SEMA5A: variants seen among roughly 807,000 people sequenced by gnomAD.
SEMA5A encodes the protein semaphorin 5A, also known as semaphorin-5A.
In SEMA5A, 55 loss-of-function variants were observed where a neutral mutation model predicts 135.5. That is an observed-to-expected ratio of 0.41 (90% confidence interval 0.33 to 0.51). The LOEUF (loss-of-function observed/expected upper bound fraction) is 0.51. Among genes scored for constraint, SEMA5A ranks in the 20% least tolerant of loss-of-function variants. The probability of loss-of-function intolerance (pLI) is 0.37; values close to 1 mark genes in which losing one functional copy is unlikely to be tolerated. For missense variants in SEMA5A, 1,290 were observed against 1,419.9 expected, an observed-to-expected ratio of 0.91 and a Z score of 1.47; for synonymous variants, 580 against 546.5, an observed-to-expected ratio of 1.06 and a Z score of -0.85.
At chr5:9,320,559 A>C (rs1271310211) in intron 4 of SEMA5A, among the ~76,000 whole-genome samples, 3 of 152,076 alleles carry the variant, frequency 2.0e-5, no homozygotes, top group Non-Finnish European at 2.9e-5. Flanking sequence ...AAAAAGAAAA[A>C]ATACAAAAAT....
intron 1 of SEMA5A, among the ~76,000 whole-genome samples, chr5:9,463,326 GA>G (rs59356233): frequency 0.074 from 11,217 of 152,094 alleles, 425 homozygotes; most frequent in South Asian, 0.094. Context: ...TTTAGATCTA[GA>G]AAAAACAAAA....
chr5:9,215,219 A>G (rs1805960), intron 8 of SEMA5A, among the ~76,000 whole-genome samples: 62,142 of 152,088 alleles, frequency 0.41, 13,037 homozygotes, highest in South Asian at 0.57. Context: ...GAAGCCTGAG[A>G]AGTAAACAGA....
intron 4 of SEMA5A, among the ~76,000 whole-genome samples, chr5:9,335,982 C>G (rs967823374): frequency 6.6e-6 from 1 of 151,608 alleles, no homozygotes; most frequent in African/African-American, 2.4e-5. Context: ...CAATATTGTA[C>G]ATTAAGTGCA....
chr5:9,501,518 CA>C (rs1278130809), intron 1 of SEMA5A, among the ~76,000 whole-genome samples: 1 of 152,078 alleles, frequency 6.6e-6, no homozygotes, highest in African/African-American at 2.4e-5. Context: ...GGAAAGCATC[CA>C]AAAGCAATGT....
At chr5:9,393,914 G>T (rs1756274930) in intron 2 of SEMA5A, among the ~76,000 whole-genome samples, 1 of 152,064 alleles carries the variant, frequency 6.6e-6, no homozygotes, top group South Asian at 2.1e-4. Context: ...AATATTCATG[G>T]TCTCTTATAT....
intron 1 of SEMA5A, among the ~76,000 whole-genome samples, chr5:9,463,147 T>C (rs1759119778): frequency 6.6e-6 from 1 of 152,190 alleles, no homozygotes; most frequent in Admixed American, 6.5e-5. Context: ...TCTTAATTTA[T>C]GTTGAGCAAG....
chr5:9,070,613 T>C (rs945045403), intron 16 of SEMA5A, among the ~76,000 whole-genome samples: 7 of 152,190 alleles, frequency 4.6e-5, no homozygotes, highest in Admixed American at 1.3e-4. Context: ...GAAAGCTGGC[T>C]CAAGTGTCTG....
intron 8 of SEMA5A, among the ~76,000 whole-genome samples, chr5:9,214,127 C>A (rs1191484734): frequency 2.0e-5 from 3 of 152,206 alleles, no homozygotes; most frequent in Non-Finnish European, 4.4e-5. Flanking sequence ...TCACAAACTG[C>A]AAAGCAACAT....
At chr5:9,151,783 T>C (rs563979945) in intron 12 of SEMA5A, among the ~76,000 whole-genome samples, 13 of 152,228 alleles carry the variant, frequency 8.5e-5, no homozygotes, top group South Asian at 2.1e-4. Context: ...CAGTTGAAAA[T>C]GAAGTTACGA....
At chr5:9,048,983 T>C (rs945532978) in intron 21 of SEMA5A, among the ~76,000 whole-genome samples, 2 of 152,092 alleles carry the variant, frequency 1.3e-5, no homozygotes, top group African/African-American at 4.8e-5. Flanking sequence ...TGATTGCTTG[T>C]CAGAGGGGCT....
chr5:9,271,162 CA>C (rs1264904443), intron 5 of SEMA5A, among the ~76,000 whole-genome samples: 1 of 152,076 alleles, frequency 6.6e-6, no homozygotes, highest in African/African-American at 2.4e-5. Flanking sequence ...GGTTTAAAAG[CA>C]TGTGGCACTC....
intron 6 of SEMA5A, among the ~76,000 whole-genome samples, chr5:9,227,387 G>A (rs1210211817): frequency 4.6e-5 from 7 of 152,142 alleles, no homozygotes; most frequent in Admixed American, 3.3e-4. Context: ...ATTAGATGTC[G>A]CTCGGGAAGC....
At chr5:9,244,319 T>TC (rs1373011507) in intron 5 of SEMA5A, among the ~76,000 whole-genome samples, 1 of 152,174 alleles carries the variant, frequency 6.6e-6, no homozygotes, top group Non-Finnish European at 1.5e-5. Flanking sequence ...CATGTCCAGG[T>TC]ACTTATTTCC....
At chr5:9,226,588 T>C (rs750868078) in intron 7 of SEMA5A, among the ~76,000 whole-genome samples, 73 of 152,354 alleles carry the variant, frequency 4.8e-4, no homozygotes, top group Non-Finnish European at 7.3e-4. Flanking sequence ...TTAGGATTAA[T>C]GTTTAAAGTC....
chr5:9,389,549 C>T (rs755619116), intron 2 of SEMA5A, among the ~76,000 whole-genome samples: 1 of 152,102 alleles, frequency 6.6e-6, no homozygotes, highest in East Asian at 1.9e-4. Flanking sequence ...GGATACCCAC[C>T]ATTCCCTCCT....
chr5:9,209,012 G>A (rs984015025), intron 8 of SEMA5A, among the ~76,000 whole-genome samples: 1 of 152,064 alleles, frequency 6.6e-6, no homozygotes, highest in Non-Finnish European at 1.5e-5. Context: ...CTTCTTCCTG[G>A]GGAATATGAC....
chr5:9,230,147 G>T, intron 6 of SEMA5A, among the ~76,000 whole-genome samples: 1 of 147,226 alleles, frequency 6.8e-6, no homozygotes. Flanking sequence ...ACCACCCCTG[G>T]CTATTTTTTT....
intron 18 of SEMA5A, among the ~76,000 whole-genome samples, chr5:9,059,548 GTTTA>G (rs947583825): frequency 3.3e-5 from 5 of 151,934 alleles, no homozygotes; most frequent in Non-Finnish European, 5.9e-5. Context: ...ATATTCTCTG[GTTTA>G]TTTTATTTTT....
intron 8 of SEMA5A, among the ~76,000 whole-genome samples, chr5:9,206,658 G>C (rs1746035817): frequency 6.6e-6 from 1 of 151,760 alleles, no homozygotes; most frequent in South Asian, 2.1e-4. Context: ...GTACACAATG[G>C]GAATGAATAT....
Sources: gnomAD v4.1 joint callset for allele counts (sites outside exome capture counted in the v4.1 genomes callset) on GRCh38, gnomAD v4.1.1 for gene constraint, MANE v1.5 for transcripts, NCBI Gene and HGNC (gene_info 2026-07-23, HGNC 2026-07-21) for gene names.